The following FAM13C variants were observed in gnomAD, a reference collection of about 807,000 sequenced individuals.
FAM13C encodes the protein family with sequence similarity 13 member C.
FAM13C carries 37 observed loss-of-function variants against 73.2 expected under a neutral mutation model. The ratio of observed to expected loss-of-function variants is 0.51; its 90% CI spans 0.39 to 0.67. The LOEUF is 0.67. FAM13C is among the 30% of genes least tolerant of loss of function. The pLI is 0.00. For synonymous variants in FAM13C, 246 were observed against 260.9 expected, an observed-to-expected ratio of 0.94 and a Z score of 0.55; for missense variants, 589 against 715.6, an observed-to-expected ratio of 0.82 and a Z score of 2.02.
At chr10:59,252,444 T>C (rs1291677813) in intron 12 of FAM13C, among the ~76,000 whole-genome samples, 1 of 151,942 alleles carries the variant, frequency 6.6e-6, no homozygotes, top group Non-Finnish European at 1.5e-5. Context: ...TAAATTAAAT[T>C]AAATCTCATA....
At chr10:59,283,672 A>G (rs1845203406) in intron 5 of FAM13C, 1 of 606,868 alleles carries the variant, frequency 1.6e-6, no homozygotes, top group East Asian at 2.8e-5. Flanking sequence ...TCATATACGC[A>G]TCATTCCACA....
At chr10:59,249,302 G>C (rs953996221) in intron 13 of FAM13C, among the ~76,000 whole-genome samples, 3 of 101,196 alleles carry the variant, frequency 3.0e-5, no homozygotes, top group African/African-American at 8.8e-5. Flanking sequence ...TACTTGGGAG[G>C]CTGAGGCAGG....
intron 6 of FAM13C, among the ~76,000 whole-genome samples, chr10:59,275,862 A>G (rs1316309028): frequency 1.3e-5 from 2 of 152,230 alleles, no homozygotes; most frequent in Non-Finnish European, 2.9e-5. Context: ...TTAAATAACT[A>G]CCTGGCAGTT....
intron 5 of FAM13C, among the ~76,000 whole-genome samples, chr10:59,287,040 A>G (rs1313900332): frequency 6.7e-6 from 1 of 149,004 alleles, no homozygotes; most frequent in East Asian, 2.0e-4. Context: ...TCTCAAAAAA[A>G]AAAAAAAAAA....
chr10:59,247,821 T>C, intron 13 of FAM13C, 84 bp from the exon 14 acceptor site: 1 of 1,409,918 alleles, frequency 7.1e-7, no homozygotes, highest in Non-Finnish European at 9.7e-7. Context: ...CATGAGAAAG[T>C]ATACTGTAAC....
intron 3 of FAM13C, among the ~76,000 whole-genome samples, chr10:59,338,662 G>A (rs1853085014): frequency 6.6e-6 from 1 of 152,100 alleles, no homozygotes; most frequent in Non-Finnish European, 1.5e-5. Context: ...TCATCAACCT[G>A]CCTCAGCTTC....
At chr10:59,310,807 T>G (rs10219099) in intron 4 of FAM13C, among the ~76,000 whole-genome samples, 22,093 of 152,164 alleles carry the variant, frequency 0.15, 1,826 homozygotes, top group African/African-American at 0.23. Context: ...CTCTGAAGAT[T>G]AGAATCAGCC....
intron 4 of FAM13C, among the ~76,000 whole-genome samples, chr10:59,307,651 G>T (rs1206083544): frequency 6.6e-6 from 1 of 152,146 alleles, no homozygotes; most frequent in East Asian, 1.9e-4. Context: ...TGCCCTTGTG[G>T]AACTTATATT....
intron 6 of FAM13C, 123 bp downstream of exon 6, chr10:59,283,240 C>T: frequency 2.0e-6 from 2 of 1,009,752 alleles, no homozygotes; most frequent in South Asian, 2.8e-5. Context: ...AGAAGCACCT[C>T]TTGGGCTTTC....
intron 3 of FAM13C, among the ~76,000 whole-genome samples, chr10:59,349,508 T>G (rs936137391): frequency 6.6e-6 from 1 of 152,122 alleles, no homozygotes; most frequent in Non-Finnish European, 1.5e-5. Flanking sequence ...TAGTGGCTCA[T>G]GCCTATATTC....
intron 3 of FAM13C, among the ~76,000 whole-genome samples, chr10:59,350,623 A>G (rs1854914943): frequency 6.6e-6 from 1 of 152,242 alleles, no homozygotes; most frequent in Non-Finnish European, 1.5e-5. Context: ...TCTGTTTAAG[A>G]TCATCACAAC....
intron 3 of FAM13C, among the ~76,000 whole-genome samples, chr10:59,342,332 C>T (rs284578): frequency 0.99 from 150,828 of 151,956 alleles, 74,863 homozygotes; most frequent in Middle Eastern, 1. Context: ...TTCCTTTCCA[C>T]TCAAACTTTA....
chr10:59,293,415 T>C (rs1281414291), intron 5 of FAM13C, among the ~76,000 whole-genome samples: 1 of 152,174 alleles, frequency 6.6e-6, no homozygotes, highest in Non-Finnish European at 1.5e-5. Flanking sequence ...AGCAAGAACA[T>C]GCAGTGTTTA....
intron 5 of FAM13C, among the ~76,000 whole-genome samples, chr10:59,301,804 T>A (rs2133857223): frequency 6.6e-6 from 1 of 152,318 alleles, no homozygotes; most frequent in East Asian, 1.9e-4. Flanking sequence ...AAAATAACAA[T>A]TCTGTGTTCT....
chr10:59,300,226 G>A (rs1383370620), intron 5 of FAM13C, among the ~76,000 whole-genome samples: 1 of 152,214 alleles, frequency 6.6e-6, no homozygotes, highest in Non-Finnish European at 1.5e-5. Flanking sequence ...AATAGTAGAA[G>A]TGAAATACCA....
chr10:59,248,589 C>T (rs1840976427), intron 13 of FAM13C, among the ~76,000 whole-genome samples: 2 of 152,114 alleles, frequency 1.3e-5, no homozygotes, highest in Non-Finnish European at 2.9e-5. Context: ...AAAACATTTC[C>T]ACCCACGACT....
intron 6 of FAM13C, among the ~76,000 whole-genome samples, chr10:59,279,522 G>A (rs918607397): frequency 1.3e-5 from 2 of 152,220 alleles, no homozygotes; most frequent in African/African-American, 4.8e-5. Context: ...TAATAGGTGT[G>A]CAGTTATTCT....
chr10:59,264,319 G>A (rs1227861124), intron 8 of FAM13C, among the ~76,000 whole-genome samples, 153 bp from the exon 9 acceptor site: 1 of 152,212 alleles, frequency 6.6e-6, no homozygotes, highest in Non-Finnish European at 1.5e-5. Flanking sequence ...ATTCGGGTGT[G>A]AAATTTCTGA....
In FAM13C at chr10:59,247,169, T is replaced by C. The variant is rs916913629; in HGVS notation, c.*445A>G. On this transcript the variant is annotated 3_prime_UTR_variant, in exon 14 of 14. Transcript: ENST00000618804. ...AGTTTCAAATAAATTGCTTTCTTGC[T>C]AGCTGTATTCCTTCCTACTTGAAAA... 6.3e-6 allele frequency: 1 copy of C among 158,856 alleles called. No homozygotes were observed. Among genetic ancestry groups the C allele is most frequent in the African/African-American group, 2.4e-5 (1 of 41,614 alleles). The allele number at this position is 158,856 out of a possible 1,614,324, so 9.8% of individuals were successfully genotyped here.
Sources: allele counts gnomAD v4.1 joint callset (sites outside exome capture counted in the v4.1 genomes callset), GRCh38; gene constraint gnomAD v4.1.1; transcripts MANE v1.5; gene names NCBI Gene and HGNC (gene_info 2026-07-23, HGNC 2026-07-21).